Variants in TRIM44 observed in about 807,000 individuals in gnomAD.
TRIM44 encodes the protein tripartite motif containing 44.
TRIM44 carries 13 observed loss-of-function variants against 37.4 expected under a neutral mutation model. The observed-to-expected ratio is 0.35, with a 90% confidence interval of 0.23 to 0.55. The LOEUF (loss-of-function observed/expected upper bound fraction) is 0.55. Among genes scored for constraint, TRIM44 ranks in the 20% least tolerant of loss-of-function variants. The probability of loss-of-function intolerance (pLI) is 0.89; values close to 1 mark genes in which losing one functional copy is unlikely to be tolerated. For missense variants in TRIM44, 426 were observed against 437.2 expected, an observed-to-expected ratio of 0.97 and a Z score of 0.23; for synonymous variants, 175 against 157.2, an observed-to-expected ratio of 1.11 and a Z score of -0.85.
chr11:35,718,872 TG>T (rs1427420642), intron 2 of TRIM44, among the ~76,000 whole-genome samples: 2 of 149,970 alleles, frequency 1.3e-5, no homozygotes, highest in Non-Finnish European at 3.0e-5. Context: ...TGTATGTTCA[TG>T]ACCTGATAGC....
intron 4 of TRIM44, among the ~76,000 whole-genome samples, chr11:35,801,786 C>T (rs1853374071): frequency 6.6e-6 from 1 of 152,064 alleles, no homozygotes; most frequent in South Asian, 2.1e-4. Context: ...CCATCCCCTA[C>T]CCACAACCAA....
chr11:35,674,250 G>GTGTGTGTA, intron 1 of TRIM44, among the ~76,000 whole-genome samples: 1 of 151,982 alleles, frequency 6.6e-6, no homozygotes, highest in African/African-American at 2.4e-5. Context: ...GTGTGTGTGT[G>GTGTGTGTA]TGTACACATG....
intron 2 of TRIM44, among the ~76,000 whole-genome samples, chr11:35,696,945 GAGAA>G (rs1851708598): frequency 6.6e-6 from 1 of 152,004 alleles, no homozygotes; most frequent in South Asian, 2.1e-4. Flanking sequence ...TTGTTCAAGA[GAGAA>G]AGCCAAATTT....
Position 35,767,132 on chromosome 11 carries a change from A to G in TRIM44, c.1007+31687A>G, listed in dbSNP as rs144454446. On this transcript the variant is annotated intron_variant, in intron 4 of 4. Transcript: ENST00000299413. ...AGACGTAATGGAAACAAATGGGTGCATGCTCCTACATCAATGTGTGTGTGT... is the reference window on the plus strand; with the variant it reads ...AGACGTAATGGAAACAAATGGGTGCGTGCTCCTACATCAATGTGTGTGTGT... 1.5e-3 allele frequency among the ~76,000 whole-genome samples: 227 copies of G among 152,294 alleles called. 1 individual carries two copies. The highest frequency in any genetic ancestry group is 5.2e-3 in the African/African-American group (215 of 41,568).
intron 3 of TRIM44, among the ~76,000 whole-genome samples, chr11:35,733,746 C>T (rs543664066): frequency 3.3e-4 from 50 of 152,258 alleles, no homozygotes; most frequent in African/African-American, 1.2e-3. Flanking sequence ...ACCTCAGTCA[C>T]GCTCAACCCC....
intron 1 of TRIM44, among the ~76,000 whole-genome samples, chr11:35,684,312 A>G (rs190179548): frequency 6.6e-6 from 1 of 152,362 alleles, no homozygotes; most frequent in Admixed American, 6.5e-5. Flanking sequence ...TTTTGAATAT[A>G]CTGAGTTAAG....
intron 3 of TRIM44, among the ~76,000 whole-genome samples, chr11:35,731,451 A>G (rs956363294): frequency 2.0e-5 from 3 of 152,182 alleles, no homozygotes; most frequent in African/African-American, 7.2e-5. Context: ...CATGATGTAT[A>G]ATCTGGGTTC....
rs1369910587 is a variant in TRIM44 at position 35,663,382 on chromosome 11, A to G, written c.271A>G (p.Ile91Val). Residue 91 changes from isoleucine to valine, a missense_variant, in exon 1 of 5, where the codon ATA becomes GTA. By Grantham distance (29) the Ile-to-Val change is conservative. This residue lies in a region of TRIM44 where 331 missense variants were observed against 303.0 expected (regional missense o/e 1.09). Coordinates refer to ENST00000299413, the MANE Select transcript of TRIM44 (RefSeq NM_017583.6). ...GGTCAAGGTGGAGCAGGAGAGGGAG[A>G]TAGAAAGCGAGGCAGGGGAAGAGAG... is the stretch of plus-strand genomic sequence containing the variant. ...AEVKVEQERE[I>V]ESEAGEESES... 2 of 1,609,324 alleles carry G rather than the reference A, an allele frequency of 1.2e-6. No individual in the cohort carries two copies. The highest frequency in any genetic ancestry group is 3.4e-5 in the Admixed American group (2 of 59,170).
At chr11:35,719,800 C>T (rs1852079528) in intron 2 of TRIM44, among the ~76,000 whole-genome samples, 1 of 152,124 alleles carries the variant, frequency 6.6e-6, no homozygotes. Context: ...CATTTGTTCA[C>T]AACTATCTTT....
intron 2 of TRIM44, among the ~76,000 whole-genome samples, chr11:35,718,054 T>C (rs1005354023): frequency 3.3e-5 from 5 of 152,172 alleles, no homozygotes; most frequent in Non-Finnish European, 7.4e-5. Context: ...AAGAAGATAA[T>C]AGAATAATCT....
At chr11:35,684,272 C>G (rs943400168) in intron 1 of TRIM44, among the ~76,000 whole-genome samples, 2 of 152,118 alleles carry the variant, frequency 1.3e-5, no homozygotes, top group South Asian at 4.1e-4. Context: ...AAAAAAAAAT[C>G]TCATGTTGAA....
intron 4 of TRIM44, among the ~76,000 whole-genome samples, chr11:35,786,407 A>C (rs1293506728): frequency 1.3e-5 from 2 of 152,208 alleles, no homozygotes. Flanking sequence ...GGCTCACTTA[A>C]GATAAATAGG....
rs1237461289 is a variant in TRIM44 at position 35,808,873 on chromosome 11, G to A, written c.*2488G>A. On this transcript the variant is annotated 3_prime_UTR_variant, in exon 5 of 5. Transcript: ENST00000299413. The stretch of plus-strand genomic sequence containing the variant: ...GCTGGAGCATGCTGCTTGGCCTTAA[G>A]CCCCAGCATGATGAGGCTTCCCTCC... 1.3e-5 allele frequency: 2 copies of A among 152,324 alleles called. No individual in the cohort carries two copies. Among genetic ancestry groups the A allele is most frequent in the South Asian group, 2.1e-4 (1 of 4,826 alleles). 9.4% of individuals were successfully genotyped at this position (152,324 alleles called of 1,614,324 possible). A position where few individuals can be genotyped will look rare whatever the true frequency, so the allele number is the denominator to read the frequency against.
intron 4 of TRIM44, among the ~76,000 whole-genome samples, chr11:35,760,219 C>T (rs1391888167): frequency 2.0e-5 from 3 of 152,186 alleles, no homozygotes; most frequent in East Asian, 3.9e-4. Flanking sequence ...AGCCTCACTG[C>T]CACCTTGCAG....
rs1368598178 is a variant in TRIM44, at chr11:35,726,169, G to A, written c.987+6G>A. ...CAGCTGAGCCAAAGGCAGAGGTAAA[G>A]GAAAAGCCCATAATTATTAGTAGCA... On this transcript the variant is annotated splice_donor_region_variant and intron_variant, in intron 3 of 4. Transcript: ENST00000299413. 2.5e-6 allele frequency: 4 copies of A among 1,612,564 alleles called. No individual in the cohort carries two copies. Among genetic ancestry groups the A allele is most frequent in the Non-Finnish European group, 3.4e-6 (4 of 1,179,166 alleles).
At chr11:35,669,151 C>T (rs923595097) in intron 1 of TRIM44, among the ~76,000 whole-genome samples, 1 of 152,140 alleles carries the variant, frequency 6.6e-6, no homozygotes, top group Non-Finnish European at 1.5e-5. Flanking sequence ...TTTTCCAAAT[C>T]TTGCATGAAG....
intron 1 of TRIM44, among the ~76,000 whole-genome samples, chr11:35,671,854 C>T (rs534699772): frequency 3.1e-4 from 47 of 152,230 alleles, no homozygotes; most frequent in South Asian, 1.5e-3. Context: ...TTTTGTGGGT[C>T]GAAGTTTGAA....
intron 3 of TRIM44, among the ~76,000 whole-genome samples, chr11:35,731,244 C>A (rs1284398216): frequency 6.6e-6 from 1 of 152,136 alleles, no homozygotes; most frequent in Non-Finnish European, 1.5e-5. Context: ...TTATCAGATT[C>A]AGGAAGTGCC....
At position 35,806,451 on chromosome 11, in the gene TRIM44, C is replaced by A; in HGVS notation, c.*66C>A. On this transcript the variant is annotated 3_prime_UTR_variant, in exon 5 of 5. Coordinates refer to ENST00000299413, the MANE Select transcript of TRIM44 (RefSeq NM_017583.6). ...TGTGTATGTGACAGCGTGTATGTAA[C>A]GGCTTCTGATTTCTGTGAAAGCTGC... 4 of 1,570,880 alleles carry A rather than the reference C, an allele frequency of 2.5e-6. No individual in the cohort carries two copies. The Admixed American group carries it at 6.7e-5, about 26-fold the overall frequency.
Sources: gnomAD v4.1 joint callset for allele counts (sites outside exome capture counted in the v4.1 genomes callset) on GRCh38, gnomAD v4.1.1 for gene constraint, gnomAD v4.1.1 regional missense constraint, MANE v1.5 for transcripts, NCBI Gene and HGNC (gene_info 2026-07-23, HGNC 2026-07-21) for gene names.